The following UBE2E2 variants were observed in gnomAD, a reference collection of about 807,000 sequenced individuals.
UBE2E2 encodes the protein ubiquitin-conjugating enzyme E2 E2.
UBE2E2 carries 6 observed loss-of-function variants against 24.7 expected under a neutral mutation model. The observed-to-expected ratio is 0.24, with a 90% CI of 0.13 to 0.48. The LOEUF (loss-of-function observed/expected upper bound fraction) is 0.48, where lower values mean the gene tolerates loss of function less well. Among genes scored for constraint, UBE2E2 ranks in the 20% least tolerant of loss-of-function variants. UBE2E2 has a pLI of 0.99. For synonymous variants in UBE2E2, 104 were observed against 83.6 expected, an observed-to-expected ratio of 1.24 and a Z score of -1.33; for missense variants, 169 against 245.0, an observed-to-expected ratio of 0.69 and a Z score of 2.07.
At chr3:23,316,224 T>C (rs1694574401) in intron 3 of UBE2E2, among the ~76,000 whole-genome samples, 1 of 152,070 alleles carries the variant, frequency 6.6e-6, no homozygotes. Flanking sequence ...AGGTCCTGTA[T>C]GGGTCCAGAA....
intron 5 of UBE2E2, among the ~76,000 whole-genome samples, chr3:23,548,662 T>TGA (rs1165516128): frequency 6.6e-6 from 1 of 152,244 alleles, no homozygotes; most frequent in African/African-American, 2.4e-5. Flanking sequence ...GCTGTTTCTC[T>TGA]TCTCTTTTCT....
chr3:23,291,802 C>T (rs1390040616), intron 3 of UBE2E2, among the ~76,000 whole-genome samples: 2 of 148,118 alleles, frequency 1.4e-5, no homozygotes, highest in African/African-American at 5.0e-5. Context: ...CTCACCTCAG[C>T]CTTCTGAGTA....
rs1322185234 is a variant in UBE2E2, at chr3:23,274,203, A to G, written c.227+56891A>G. On this transcript the variant is annotated intron_variant, in intron 3 of 5. Transcript: ENST00000396703. ...CAGTGGCAGTCTGTAAATACCAACA[A>G]TTATTATCTTTTGATACCCTTTTAA... Among the ~76,000 whole-genome samples the G allele has an allele frequency of 9.2e-5, 14 of 152,350 alleles. No homozygotes were observed. In the South Asian group the frequency reaches 1.9e-3, roughly 20 times the overall value.
chr3:23,549,140 C>T (rs1208483032), intron 5 of UBE2E2, among the ~76,000 whole-genome samples: 1 of 152,244 alleles, frequency 6.6e-6, no homozygotes, highest in Non-Finnish European at 1.5e-5. Flanking sequence ...ACTGCCAAAG[C>T]AGTATCATGC....
intron 1 of UBE2E2, among the ~76,000 whole-genome samples, chr3:23,208,047 T>G (rs993538872): frequency 6.6e-5 from 10 of 152,248 alleles, no homozygotes; most frequent in African/African-American, 9.6e-5. Context: ...ATTAATTTTT[T>G]TTTTGAGACA....
intron 3 of UBE2E2, among the ~76,000 whole-genome samples, chr3:23,346,275 T>C (rs1247685639): frequency 6.6e-6 from 1 of 152,216 alleles, no homozygotes; most frequent in African/African-American, 2.4e-5. Flanking sequence ...TTGTCCAACA[T>C]TTGGTAAATG....
chr3:23,589,782 CA>C lies in UBE2E2; in HGVS notation c.558del (p.Glu187SerfsTer36). ...GCCACACAGTACATGACCAACAGAG[CA>C]GAGCATGACCGGATGGCCAGACAGT... ...SIATQYMTNR[A>X]EHDRMARQWT... On this transcript the variant is annotated frameshift_variant, in exon 6 of 6. Coordinates refer to ENST00000396703, the MANE Select transcript of UBE2E2 (RefSeq NM_152653.4). LOFTEE classifies it high-confidence loss of function. This position sits in a 1 kb window ranked among gnomAD's most constrained non-coding sequence, Gnocchi z 4.1. 6.2e-7 allele frequency: 1 copy of C among 1,614,202 alleles called. No individual in the cohort carries two copies. The highest frequency in any genetic ancestry group is 8.5e-7 in the Non-Finnish European group (1 of 1,180,020).
At chr3:23,561,663 A>G (rs914687318) in intron 5 of UBE2E2, among the ~76,000 whole-genome samples, 3 of 151,484 alleles carry the variant, frequency 2.0e-5, no homozygotes, top group Admixed American at 6.6e-5. Context: ...TACCTTGGGC[A>G]GTGTGGCCAT....
intron 3 of UBE2E2, among the ~76,000 whole-genome samples, chr3:23,309,234 T>C (rs1699312775): frequency 6.6e-6 from 1 of 152,200 alleles, no homozygotes; most frequent in Non-Finnish European, 1.5e-5. Flanking sequence ...TCATCTTCTC[T>C]GGAAACATCC....
chr3:23,584,852 A>T (rs1389256131), intron 5 of UBE2E2, among the ~76,000 whole-genome samples: 2 of 150,450 alleles, frequency 1.3e-5, no homozygotes, highest in Non-Finnish European at 2.9e-5. Flanking sequence ...GATTACAGGC[A>T]TGAGCCGCTG....
In UBE2E2 at chr3:23,499,196, A is replaced by G. The variant is rs560007230; in HGVS notation, c.228-412A>G. Reference sequence around the variant, plus strand: ...GATATTTGAGCAGAGACTTTGGATGATGAACATTGAACCTCCTTTGTGTTC... The same window carrying G: ...GATATTTGAGCAGAGACTTTGGATGGTGAACATTGAACCTCCTTTGTGTTC... On this transcript the variant is annotated intron_variant, in intron 3 of 5. Transcript: ENST00000396703. Among the ~76,000 whole-genome samples the G allele has an allele frequency of 1.2e-4, 19 of 152,348 alleles. 1 individual carries two copies. Among genetic ancestry groups the G allele is most frequent in the African/African-American group, 4.6e-4 (19 of 41,580 alleles).
intron 3 of UBE2E2, among the ~76,000 whole-genome samples, chr3:23,299,261 G>GT (rs925862462): frequency 6.6e-6 from 1 of 152,102 alleles, no homozygotes; most frequent in South Asian, 2.1e-4. Flanking sequence ...TCTTTTGAAG[G>GT]TTTTTTTGTG....
At chr3:23,505,615 T>C (rs1277265981) in intron 4 of UBE2E2, among the ~76,000 whole-genome samples, 2 of 152,204 alleles carry the variant, frequency 1.3e-5, no homozygotes, top group Non-Finnish European at 2.9e-5. Context: ...TAAGTGAAAT[T>C]AAGAATGATA....
intron 3 of UBE2E2, among the ~76,000 whole-genome samples, chr3:23,458,391 CTGGTGGTGG>C (rs781216109): frequency 2.4e-4 from 29 of 122,486 alleles, no homozygotes; most frequent in Admixed American, 8.6e-4. Context: ...AGAGAGATCG[CTGGTGGTGG>C]TGGTGGTGGT....
chr3:23,381,199 A>G (rs1039886342), intron 3 of UBE2E2, among the ~76,000 whole-genome samples: 2 of 152,148 alleles, frequency 1.3e-5, no homozygotes, highest in African/African-American at 4.8e-5. Context: ...TCATATTTTC[A>G]TCTGTCTTGT....
intron 3 of UBE2E2, among the ~76,000 whole-genome samples, chr3:23,261,197 A>G (rs1697893578): frequency 2.0e-5 from 3 of 151,152 alleles, no homozygotes; most frequent in African/African-American, 2.4e-5. Flanking sequence ...TTTAAAGCTT[A>G]GGAATTACAT....
chr3:23,406,300 A>G (rs891000780), intron 3 of UBE2E2, among the ~76,000 whole-genome samples: 4 of 152,214 alleles, frequency 2.6e-5, no homozygotes, highest in Non-Finnish European at 5.9e-5. Context: ...ATAATGCAGC[A>G]TACTGGAAAG....
At chr3:23,243,509 T>G (rs1354986942) in intron 3 of UBE2E2, among the ~76,000 whole-genome samples, 1 of 152,234 alleles carries the variant, frequency 6.6e-6, no homozygotes, top group African/African-American at 2.4e-5. Flanking sequence ...GTATTTGATG[T>G]TCTGAGTTTT....
rs1699085162 is a variant in UBE2E2 at position 23,474,370 on chromosome 3, TTACAGTCATTC to T, written c.228-25235_228-25225del. Among the ~76,000 whole-genome samples the T allele has an allele frequency of 6.6e-6, 1 of 152,104 alleles. No individual in the cohort carries two copies. ...ACTGACTGAAGTGAAGATTTATTTC[TTACAGTCATTC>T]TAGTCCTCATTTTAAAATGCAAATT... On this transcript the variant is annotated intron_variant, in intron 3 of 5. Transcript: ENST00000396703. The surrounding 1 kb of genome is among the most constrained non-coding windows in gnomAD (Gnocchi z 4.0).
Sources: allele counts gnomAD v4.1 joint callset (sites outside exome capture counted in the v4.1 genomes callset), GRCh38; gene constraint gnomAD v4.1.1; non-coding constraint Gnocchi (gnomAD v3.1); transcripts MANE v1.5; gene names NCBI Gene and HGNC (gene_info 2026-07-23, HGNC 2026-07-21).